The following MLXIPL variants were observed in gnomAD, a reference collection of about 807,000 sequenced individuals.
The protein encoded by MLXIPL is carbohydrate-responsive element-binding protein.
A neutral mutation model predicts 81.5 loss-of-function variants in MLXIPL; 49 were observed. The observed-to-expected ratio is 0.60, with a 90% confidence interval of 0.48 to 0.76. MLXIPL has a LOEUF of 0.76. Ranked by LOEUF, MLXIPL falls within the 30% of genes least tolerant of loss-of-function variation. The probability of loss-of-function intolerance (pLI) is 0.00; values close to 1 mark genes in which losing one functional copy is unlikely to be tolerated. For synonymous variants in MLXIPL, 466 were observed against 485.5 expected (o/e 0.96, Z 0.53); for missense variants, 1,053 against 1,167.0 (o/e 0.90, Z 1.42).
the MLXIPL span, among the ~76,000 whole-genome samples, chr7:73,632,402 T>G: frequency 6.6e-6 from 1 of 152,144 alleles, no homozygotes; most frequent in Non-Finnish European, 1.5e-5. Flanking sequence ...TACATGTATG[T>G]TAGACTTAGT....
chr7:73,606,147 C>A, intron 5 of MLXIPL, 36 bp from the exon 6 acceptor site: 1 of 1,549,592 alleles, frequency 6.5e-7, no homozygotes, highest in Non-Finnish European at 8.7e-7. Context: ...CGCTAGAGAG[C>A]TCCCACTGCC....
intron 8 of MLXIPL, among the ~76,000 whole-genome samples, chr7:73,598,568 G>A (rs1794538454): frequency 6.6e-6 from 1 of 152,070 alleles, no homozygotes; most frequent in East Asian, 1.9e-4. Flanking sequence ...TCACCAGCAC[G>A]CCCATTCATC....
intron 1 of MLXIPL, among the ~76,000 whole-genome samples, chr7:73,622,870 G>C (rs979127194): frequency 6.6e-6 from 1 of 152,120 alleles, no homozygotes; most frequent in Non-Finnish European, 1.5e-5. Flanking sequence ...GTGATGTGTA[G>C]TATATAATGA....
At chr7:73,615,221 C>T (rs1554600539) in intron 2 of MLXIPL, among the ~76,000 whole-genome samples, 7 of 152,284 alleles carry the variant, frequency 4.6e-5, no homozygotes. Flanking sequence ...ACTCTAAGTC[C>T]AGAGTTCCTT....
intron 1 of MLXIPL, among the ~76,000 whole-genome samples, chr7:73,621,120 G>A (rs1796321501): frequency 1.3e-5 from 2 of 151,788 alleles, no homozygotes; most frequent in South Asian, 4.2e-4. Flanking sequence ...GACTTAGAGA[G>A]GGGGTTGAGA....
At chr7:73,616,333 CAG>C (rs1796007812) in intron 1 of MLXIPL, among the ~76,000 whole-genome samples, 156 bp from the exon 2 acceptor site, 1 of 152,184 alleles carries the variant, frequency 6.6e-6, no homozygotes. Context: ...AATTCCTATC[CAG>C]AGAGTCAGAC....
At chr7:73,641,078 G>A in the MLXIPL span, among the ~76,000 whole-genome samples, 5 of 152,002 alleles carry the variant, frequency 3.3e-5, no homozygotes, top group African/African-American at 1.2e-4. Flanking sequence ...GAGGCAGGAG[G>A]ATCACTTGAG....
At chr7:73,640,575 G>A in the MLXIPL span, among the ~76,000 whole-genome samples, 1 of 151,308 alleles carries the variant, frequency 6.6e-6, no homozygotes, top group Non-Finnish European at 1.5e-5. Context: ...TCAGGAGTTC[G>A]AGGCCAGCCT....
chr7:73,631,173 T>C, the MLXIPL span, among the ~76,000 whole-genome samples: 1 of 152,042 alleles, frequency 6.6e-6, no homozygotes, highest in African/African-American at 2.4e-5. Flanking sequence ...CACGCCCAGC[T>C]AATTTTTTTT....
chr7:73,596,386 C>G lies in MLXIPL; in HGVS notation c.1916G>C (p.Arg639Pro). The G allele has an allele frequency of 6.2e-7, 1 of 1,610,894 alleles. No homozygotes were observed. Among genetic ancestry groups the G allele is most frequent in the Non-Finnish European group, 8.5e-7 (1 of 1,179,530 alleles). ...RVSPPQPILSRGRPDSNKTEN... is the reference protein window; with the variant it reads ...RVSPPQPILSPGRPDSNKTEN... ...CACCTTGTTGCTGTCTGGACGGCCC[C>G]GGCTGAGGATGGGTTGCGGGGGAGA... The change falls in exon 12 of 17, where the codon CGG becomes CCG. Residue 639 changes from arginine to proline, a missense_variant. Arg to Pro is a moderately radical substitution (Grantham distance 103, BLOSUM62 -2). Transcript: ENST00000313375. The surrounding 1 kb of genome is among the most constrained non-coding windows in gnomAD (Gnocchi z 4.7).
intron 15 of MLXIPL, 140 bp from the exon 16 acceptor site, chr7:73,594,543 C>T: frequency 1.9e-6 from 2 of 1,047,960 alleles, no homozygotes; most frequent in Non-Finnish European, 2.8e-6. Flanking sequence ...TGTTGCAGCC[C>T]CTACTTCTTC....
upstream of MLXIPL, among the ~76,000 whole-genome samples, chr7:73,626,434 C>A (rs1008853602): frequency 6.6e-6 from 1 of 152,068 alleles, no homozygotes; most frequent in African/African-American, 2.4e-5. Context: ...TCCCTAGTAG[C>A]TGGGACTACA....
Position 73,597,356 on chromosome 7 carries a change from AG to A in MLXIPL, c.1428del (p.Leu477TrpfsTer34), listed in dbSNP as rs1332894254. ...APTPFPIELLPLGYSEPAFGP... is the reference protein window; with the variant it reads ...APTPFPIELLXLGYSEPAFGP... ...CCAAAGGCAGGCTCCGAATACCCCA[AG>A]GGTAGAAGCTCTATGGGGAAGGGGG... On this transcript the variant is annotated frameshift_variant, in exon 9 of 17. Transcript: ENST00000313375. LOFTEE classifies it high-confidence loss of function. 3.1e-5 allele frequency: 36 copies of A among 1,166,368 alleles called. No individual in the cohort carries two copies. Among genetic ancestry groups the A allele is most frequent in the Non-Finnish European group, 3.8e-5 (35 of 918,096 alleles). 72.3% of individuals were successfully genotyped at this position (1,166,368 alleles called of 1,614,324 possible).
At chr7:73,607,039 G>A in intron 4 of MLXIPL, 21 bp from the exon 5 acceptor site, 1 of 1,612,372 alleles carries the variant, frequency 6.2e-7, no homozygotes, top group East Asian at 2.2e-5. Flanking sequence ...ACACAGAGTT[G>A]GACACCGGAT....
intron 7 of MLXIPL, 93 bp downstream of exon 7, chr7:73,605,595 A>G (rs782497897): frequency 1.8e-6 from 2 of 1,132,570 alleles, no homozygotes; most frequent in South Asian, 1.3e-5. Flanking sequence ...GACCCAGACT[A>G]TCAGCCCTCC....
At chr7:73,602,105 TGCCTG>T in intron 7 of MLXIPL, among the ~76,000 whole-genome samples, 1 of 136,690 alleles carries the variant, frequency 7.3e-6, no homozygotes, top group Admixed American at 7.6e-5. Flanking sequence ...CCTTCCTGCC[TGCCTG>T]CCTGCCTGCC....
At chr7:73,609,128 T>G (rs1795519756) in intron 2 of MLXIPL, 1 of 152,040 alleles carries the variant, frequency 6.6e-6, no homozygotes, top group Admixed American at 6.6e-5. Context: ...TTATTACTGT[T>G]ATTTTTAATT....
Position 73,594,279 on chromosome 7 carries a change from C to G in MLXIPL, c.2435G>C (p.Arg812Pro). Residue 812 changes from arginine (R) to proline (P), a missense_variant, in exon 16 of 17, where the codon CGG becomes CCG. Transcript: ENST00000313375. ...CAGGGAGATGGCTCACGTACTTGGC[C>G]GGAGAGCGGGCAGAGAGCAGTACTG... ...LDQYCSLPAL[R>P]PTVLNSLRQL... is the part of the protein sequence containing the mutation. The G allele has an allele frequency of 6.2e-7, 1 of 1,612,042 alleles. No individual in the cohort carries two copies. The highest frequency in any genetic ancestry group is 8.5e-7 in the Non-Finnish European group (1 of 1,179,988).
intron 2 of MLXIPL, among the ~76,000 whole-genome samples, chr7:73,614,242 AC>A (rs142943366): frequency 1.4e-5 from 2 of 142,448 alleles, no homozygotes; most frequent in African/African-American, 2.6e-5. Flanking sequence ...AACCAAACAA[AC>A]CCCCCCCACC....
Sources: gnomAD v4.1 joint callset for allele counts (sites outside exome capture counted in the v4.1 genomes callset) on GRCh38, gnomAD v4.1.1 for gene constraint, Gnocchi (gnomAD v3.1) non-coding constraint, MANE v1.5 for transcripts, NCBI Gene and HGNC (gene_info 2026-07-23, HGNC 2026-07-21) for gene names.